The following CSMD1 variants were observed in gnomAD, a reference collection of about 807,000 sequenced individuals.
CSMD1 encodes the protein CUB and sushi domain-containing protein 1.
CSMD1 carries 213 observed loss-of-function variants against 417.5 expected under a neutral mutation model. That is an observed-to-expected ratio of 0.51 (90% CI 0.46 to 0.57). The LOEUF (loss-of-function observed/expected upper bound fraction) is 0.57, where lower values mean the gene tolerates loss of function less well. Ranked by LOEUF, CSMD1 falls within the 20% of genes least tolerant of loss-of-function variation. The pLI, the probability that CSMD1 is intolerant of heterozygous loss-of-function variation, is 0.00. For missense variants in CSMD1, 6,923 were observed against 4,529.7 expected (o/e 1.53, Z -15.17); for synonymous variants, 2,862 against 1,736.8 (o/e 1.65, Z -16.11).
intron 32 of CSMD1, among the ~76,000 whole-genome samples, chr8:3,200,728 G>C (rs1255615185): frequency 6.6e-6 from 1 of 152,016 alleles, no homozygotes; most frequent in Non-Finnish European, 1.5e-5. Flanking sequence ...TGTATCCTCT[G>C]ATGCATTCTT....
At chr8:3,592,821 A>G (rs1427992700) in intron 8 of CSMD1, among the ~76,000 whole-genome samples, 3 of 152,132 alleles carry the variant, frequency 2.0e-5, no homozygotes, top group Admixed American at 6.5e-5. Context: ...TCACAGTGGG[A>G]TCCAGGTGTA....
chr8:4,246,338 G>C (rs1802708082), intron 3 of CSMD1, among the ~76,000 whole-genome samples: 1 of 152,078 alleles, frequency 6.6e-6, no homozygotes, highest in Non-Finnish European at 1.5e-5. Context: ...CCACGTCCTT[G>C]CAAAGGACAC....
At chr8:4,898,900 C>A (rs7817861) in intron 1 of CSMD1, among the ~76,000 whole-genome samples, 147,876 of 152,282 alleles carry the variant, frequency 0.97, 71,953 homozygotes, top group South Asian at 1. Flanking sequence ...CATTATTTAT[C>A]GTTTAATAAG....
intron 15 of CSMD1, among the ~76,000 whole-genome samples, chr8:3,405,573 C>T (rs1006827268): frequency 9.9e-5 from 15 of 151,682 alleles, no homozygotes; most frequent in African/African-American, 3.6e-4. Flanking sequence ...AGATTGGGTA[C>T]TTGCAGATGA....
At chr8:3,728,547 G>A (rs951829206) in intron 6 of CSMD1, among the ~76,000 whole-genome samples, 2 of 152,148 alleles carry the variant, frequency 1.3e-5, no homozygotes, top group African/African-American at 4.8e-5. Context: ...ACGTAGGTTT[G>A]CCTATGTTCC....
chr8:3,249,119 A>G (rs1038856091), intron 26 of CSMD1, among the ~76,000 whole-genome samples: 2 of 152,172 alleles, frequency 1.3e-5, no homozygotes, highest in Non-Finnish European at 2.9e-5. Flanking sequence ...TTAGCCCGAG[A>G]ATTGGCCCCT....
At chr8:4,236,035 G>GTTTTTTTTTTTTTTTTTTTTTTT (rs869046913) in intron 3 of CSMD1, among the ~76,000 whole-genome samples, 2 of 112,612 alleles carry the variant, frequency 1.8e-5, no homozygotes, top group African/African-American at 7.8e-5. Context: ...TGTTTTTTTT[G>GTTTTTTTTTTTTTTTTTTTTTTT]TTTGTTTTTT....
At chr8:3,323,930 T>C (rs75755353) in intron 23 of CSMD1, among the ~76,000 whole-genome samples, 12 of 93,484 alleles carry the variant, frequency 1.3e-4, no homozygotes, top group East Asian at 5.4e-4. Context: ...GACACACATC[T>C]AACCCCAGAG....
chr8:3,567,646 C>T (rs571672554), intron 10 of CSMD1, among the ~76,000 whole-genome samples: 1 of 151,942 alleles, frequency 6.6e-6, no homozygotes, highest in Non-Finnish European at 1.5e-5. Context: ...AAATTCCCAG[C>T]CTTGTTTACC....
At chr8:4,531,185 C>T (rs193190228) in intron 2 of CSMD1, among the ~76,000 whole-genome samples, 4 of 152,208 alleles carry the variant, frequency 2.6e-5, no homozygotes, top group African/African-American at 7.2e-5. Flanking sequence ...GTATATATCG[C>T]CATGTAATCA....
At chr8:3,522,566 G>A (rs750082795) in intron 10 of CSMD1, among the ~76,000 whole-genome samples, 1 of 152,106 alleles carries the variant, frequency 6.6e-6, no homozygotes. Flanking sequence ...TGAGAATAGA[G>A]AAAGAAATGG....
intron 26 of CSMD1, among the ~76,000 whole-genome samples, chr8:3,259,102 C>T (rs1800868441): frequency 6.6e-6 from 1 of 152,182 alleles, no homozygotes; most frequent in African/African-American, 2.4e-5. Context: ...ATCTTAACCA[C>T]AGCTTTTATG....
chr8:3,621,015 G>A (rs139883878), intron 7 of CSMD1, among the ~76,000 whole-genome samples: 7 of 152,180 alleles, frequency 4.6e-5, no homozygotes, highest in African/African-American at 1.7e-4. Flanking sequence ...AACATGACTG[G>A]TGCCCTTCTA....
chr8:3,739,792 TAA>T (rs5888991), intron 6 of CSMD1, among the ~76,000 whole-genome samples: 1 of 152,072 alleles, frequency 6.6e-6, no homozygotes, highest in East Asian at 1.9e-4. Context: ...TGGAAAAAGG[TAA>T]AAAAAAATTC....
intron 1 of CSMD1, among the ~76,000 whole-genome samples, chr8:4,907,109 G>C (rs967050365): frequency 6.6e-6 from 1 of 152,158 alleles, no homozygotes; most frequent in Admixed American, 6.5e-5. Flanking sequence ...TAAGATAATT[G>C]CTGCTTTCTG....
intron 2 of CSMD1, among the ~76,000 whole-genome samples, chr8:4,492,819 A>C (rs1183720917): frequency 1.3e-5 from 2 of 152,138 alleles, no homozygotes; most frequent in African/African-American, 4.8e-5. Flanking sequence ...ACAGTAATTT[A>C]CTCCAGATGC....
At chr8:4,252,734 G>A (rs138844139) in intron 3 of CSMD1, among the ~76,000 whole-genome samples, 1 of 152,222 alleles carries the variant, frequency 6.6e-6, no homozygotes, top group Admixed American at 6.5e-5. Flanking sequence ...CAGGAATTAT[G>A]AGAGCGCTTT....
At chr8:4,413,343 C>A (rs181700496) in intron 3 of CSMD1, among the ~76,000 whole-genome samples, 321 of 152,210 alleles carry the variant, frequency 2.1e-3, no homozygotes, top group African/African-American at 7.2e-3. Context: ...CAAACCAATT[C>A]TATCATTCAT....
At chr8:3,493,931 G>A (rs140026419) in intron 10 of CSMD1, among the ~76,000 whole-genome samples, 7 of 152,196 alleles carry the variant, frequency 4.6e-5, no homozygotes, top group African/African-American at 1.4e-4. Flanking sequence ...ATTCAGAATT[G>A]CTATTACTCC....
Sources: gnomAD v4.1 joint callset for allele counts (sites outside exome capture counted in the v4.1 genomes callset) on GRCh38, gnomAD v4.1.1 for gene constraint, MANE v1.5 for transcripts, NCBI Gene and HGNC (gene_info 2026-07-23, HGNC 2026-07-21) for gene names.